PRKCE: variants seen among roughly 807,000 people sequenced by gnomAD.
PRKCE encodes the protein protein kinase C epsilon, also known as protein kinase C epsilon type.
In PRKCE, 16 loss-of-function variants were observed where a neutral mutation model predicts 85.4. That is an observed-to-expected ratio of 0.19 (90% CI 0.13 to 0.28). PRKCE has a LOEUF of 0.28. Among genes scored for constraint, PRKCE ranks in the 10% least tolerant of loss-of-function variants. The pLI, the probability that PRKCE is intolerant of heterozygous loss-of-function variation, is 1.00. For missense variants in PRKCE, 573 were observed against 975.2 expected (o/e 0.59, Z 5.49); for synonymous variants, 388 against 371.5 (o/e 1.04, Z -0.51).
At chr2:45,722,623 C>A (rs754824023) in intron 1 of PRKCE, among the ~76,000 whole-genome samples, 1 of 152,206 alleles carries the variant, frequency 6.6e-6, no homozygotes, top group African/African-American at 2.4e-5. Flanking sequence ...CATCCTTTTA[C>A]TTCCTGGAGC....
In PRKCE at chr2:46,001,195, A is replaced by T. The variant is rs899117761; in HGVS notation, c.824-209A>T. On this transcript the variant is annotated intron_variant, in intron 6 of 14. Transcript: ENST00000306156. The surrounding 1 kb of genome is among the most constrained non-coding windows in gnomAD (Gnocchi z 4.4). ...ATGGCTGGAATGAAGTACTAGAAAC[A>T]GTGGTTATCTCTGCAAGGTGGTTTA... is the stretch of plus-strand genomic sequence containing the variant. Among the ~76,000 whole-genome samples the T allele has an allele frequency of 4.6e-5, 7 of 151,816 alleles. No individual in the cohort carries two copies. In the East Asian group the frequency reaches 1.2e-3, roughly 25 times the overall value.
intron 1 of PRKCE, among the ~76,000 whole-genome samples, chr2:45,800,851 T>C (rs1341309673): frequency 6.6e-6 from 1 of 152,218 alleles, no homozygotes; most frequent in Admixed American, 6.5e-5. Flanking sequence ...CATACATGTA[T>C]GCATGAGCCA....
Position 46,001,573 on chromosome 2 carries a change from G to C in PRKCE, c.966+27G>C, listed in dbSNP as rs1704685398. Reference sequence around the variant, plus strand: ...TAACTGGCTGTTTGGTGGTGTTGCTGGAGCCCTTTTCAGGCTAGCATTTCT... The same window carrying C: ...TAACTGGCTGTTTGGTGGTGTTGCTCGAGCCCTTTTCAGGCTAGCATTTCT... On this transcript the variant is annotated intron_variant, in intron 7 of 14. Coordinates refer to ENST00000306156, the MANE Select transcript of PRKCE (RefSeq NM_005400.3). The surrounding 1 kb of genome is among the most constrained non-coding windows in gnomAD (Gnocchi z 4.4). The C allele has an allele frequency of 6.3e-7, 1 of 1,592,262 alleles. No individual in the cohort carries two copies. Among genetic ancestry groups the C allele is most frequent in the East Asian group, 2.2e-5 (1 of 44,562 alleles).
intron 1 of PRKCE, among the ~76,000 whole-genome samples, chr2:45,759,648 A>T (rs1684277494): frequency 6.6e-6 from 1 of 152,220 alleles, no homozygotes; most frequent in Non-Finnish European, 1.5e-5. Context: ...ACACTCTTTG[A>T]TGTAAGTATA....
chr2:46,129,333 G>A (rs957804229), intron 11 of PRKCE, among the ~76,000 whole-genome samples: 2 of 152,162 alleles, frequency 1.3e-5, no homozygotes, highest in East Asian at 1.9e-4. Flanking sequence ...TGCTCAGTAC[G>A]TAGCTGTTGA....
At chr2:45,835,524 A>G (rs993684947) in intron 1 of PRKCE, among the ~76,000 whole-genome samples, 2 of 151,382 alleles carry the variant, frequency 1.3e-5, no homozygotes, top group African/African-American at 4.9e-5. Context: ...GTGGAATGCT[A>G]TGGTATATAC....
intron 10 of PRKCE, among the ~76,000 whole-genome samples, chr2:46,070,678 T>C (rs537378345): frequency 2.6e-4 from 39 of 152,064 alleles, no homozygotes; most frequent in African/African-American, 9.4e-4. Context: ...AGGTGGCATT[T>C]TATTGACAGC....
chr2:45,912,240 C>T (rs1354028249), intron 2 of PRKCE, among the ~76,000 whole-genome samples: 1 of 152,042 alleles, frequency 6.6e-6, no homozygotes, highest in East Asian at 1.9e-4. Flanking sequence ...AGGTGTTATC[C>T]CGTGACAGAG....
At chr2:45,758,646 A>G (rs577430402) in intron 1 of PRKCE, among the ~76,000 whole-genome samples, 7 of 152,304 alleles carry the variant, frequency 4.6e-5, no homozygotes, top group South Asian at 2.1e-4. Flanking sequence ...ACTGCCTAAC[A>G]TAGGTATGTA....
chr2:45,763,092 C>G (rs1006944152), intron 1 of PRKCE, among the ~76,000 whole-genome samples: 1 of 152,096 alleles, frequency 6.6e-6, no homozygotes, highest in Non-Finnish European at 1.5e-5. Context: ...GTAGCTGGGA[C>G]TACAGGCGCC....
intron 1 of PRKCE, among the ~76,000 whole-genome samples, chr2:45,694,147 G>C (rs991401312): frequency 1.3e-5 from 2 of 150,732 alleles, no homozygotes; most frequent in African/African-American, 4.9e-5. Flanking sequence ...ATAGCTTCTT[G>C]TGGCCATTTC....
At chr2:46,164,118 G>A (rs1044404330) in intron 14 of PRKCE, among the ~76,000 whole-genome samples, 1 of 152,198 alleles carries the variant, frequency 6.6e-6, no homozygotes, top group African/African-American at 2.4e-5. Context: ...GGAAAGAAAG[G>A]GCTTTGACAG....
intron 2 of PRKCE, among the ~76,000 whole-genome samples, chr2:45,975,427 G>A (rs1702382380): frequency 6.6e-6 from 1 of 151,956 alleles, no homozygotes; most frequent in Non-Finnish European, 1.5e-5. Flanking sequence ...GGTGGGATCT[G>A]CTGAGGGCCC....
chr2:45,738,688 G>A (rs1682291224), intron 1 of PRKCE, among the ~76,000 whole-genome samples: 1 of 152,164 alleles, frequency 6.6e-6, no homozygotes, highest in Admixed American at 6.5e-5. Context: ...GAGGGCCTAA[G>A]GTGTGAATAA....
intron 14 of PRKCE, among the ~76,000 whole-genome samples, chr2:46,173,719 A>T (rs1175552577): frequency 1.3e-5 from 2 of 152,200 alleles, no homozygotes; most frequent in East Asian, 1.9e-4. Context: ...CTTCTTTATA[A>T]CAGGGACACC....
In PRKCE at chr2:46,010,922, A is replaced by G. The variant is rs548459552; in HGVS notation, c.1437+405A>G. 4.1e-6 allele frequency: 6 copies of G among 1,448,840 alleles called. No homozygotes were observed. In the South Asian group the frequency reaches 8.8e-5, roughly 21 times the overall value. 89.7% of individuals were successfully genotyped at this position (1,448,840 alleles called of 1,614,324 possible). On this transcript the variant is annotated intron_variant, in intron 10 of 14. Transcript: ENST00000306156. ...AGTAAAGGCCACCTTAATCTCTTCTAATCTGTGTAATGTCATCTGAAATAA... is the reference window on the plus strand; with the variant it reads ...AGTAAAGGCCACCTTAATCTCTTCTGATCTGTGTAATGTCATCTGAAATAA...
chr2:46,112,827 C>A (rs1028716636), intron 11 of PRKCE, among the ~76,000 whole-genome samples: 5 of 152,144 alleles, frequency 3.3e-5, no homozygotes, highest in African/African-American at 9.7e-5. Context: ...GCCTCTTTAT[C>A]ACTGTTTTCT....
intron 1 of PRKCE, among the ~76,000 whole-genome samples, chr2:45,736,692 A>G (rs1009191913): frequency 1.4e-4 from 21 of 152,190 alleles, no homozygotes; most frequent in Non-Finnish European, 4.4e-5. Context: ...TTTCTGGAGA[A>G]CAGGAAGGGC....
chr2:46,062,813 G>T (rs1245974482), intron 10 of PRKCE, among the ~76,000 whole-genome samples: 1 of 151,714 alleles, frequency 6.6e-6, no homozygotes, highest in Admixed American at 6.6e-5. Flanking sequence ...AGTTACAGTG[G>T]AGACGTTGTT....
Sources: allele counts gnomAD v4.1 joint callset (sites outside exome capture counted in the v4.1 genomes callset), GRCh38; gene constraint gnomAD v4.1.1; non-coding constraint Gnocchi (gnomAD v3.1); transcripts MANE v1.5; gene names NCBI Gene and HGNC (gene_info 2026-07-23, HGNC 2026-07-21).